Variants in GRID2 observed in about 807,000 individuals in gnomAD.
GRID2 encodes glutamate receptor ionotropic, delta-2.
In GRID2, 33 loss-of-function variants were observed where a neutral mutation model predicts 114.8. The ratio of observed to expected loss-of-function variants is 0.29; its 90% confidence interval spans 0.22 to 0.38. The LOEUF (loss-of-function observed/expected upper bound fraction) is 0.38. GRID2 is among the 10% of genes least tolerant of loss of function. The pLI, the probability that GRID2 is intolerant of heterozygous loss-of-function variation, is 1.00. For missense variants in GRID2, 1,184 were observed against 1,257.7 expected, an observed-to-expected ratio of 0.94 and a Z score of 0.89; for synonymous variants, 505 against 449.9, an observed-to-expected ratio of 1.12 and a Z score of -1.55.
chr4:93,185,506 G>A (rs1198754474), intron 4 of GRID2, among the ~76,000 whole-genome samples: 2 of 152,136 alleles, frequency 1.3e-5, no homozygotes, highest in African/African-American at 4.8e-5. Context: ...GGAAGCTGAT[G>A]TTGCTTTCCT....
intron 11 of GRID2, among the ~76,000 whole-genome samples, chr4:93,459,961 T>G (rs1723586969): frequency 6.6e-6 from 1 of 152,180 alleles, no homozygotes; most frequent in Non-Finnish European, 1.5e-5. Flanking sequence ...TACTAAATAT[T>G]TCTAGAAGTG....
chr4:93,362,248 C>G (rs1446082709), intron 8 of GRID2, among the ~76,000 whole-genome samples: 4 of 152,082 alleles, frequency 2.6e-5, no homozygotes, highest in Non-Finnish European at 5.9e-5. Flanking sequence ...TTGCTTCTCT[C>G]TCAATGGTAG....
intron 7 of GRID2, among the ~76,000 whole-genome samples, chr4:93,229,939 C>T (rs1469508241): frequency 1.3e-5 from 2 of 152,026 alleles, no homozygotes; most frequent in African/African-American, 4.8e-5. Context: ...CAAATATTAT[C>T]AGCAGCCCTG....
At chr4:92,970,795 G>A (rs1301952797) in intron 2 of GRID2, among the ~76,000 whole-genome samples, 3 of 151,800 alleles carry the variant, frequency 2.0e-5, no homozygotes, top group Admixed American at 6.6e-5. Flanking sequence ...AAAAGGAATC[G>A]TTGGTAATAT....
At chr4:92,359,104 C>G (rs187704355) in intron 1 of GRID2, among the ~76,000 whole-genome samples, 1 of 151,854 alleles carries the variant, frequency 6.6e-6, no homozygotes, top group African/African-American at 2.4e-5. Context: ...TTTGGTTGGC[C>G]TTAACTAACT....
At chr4:93,368,277 C>T (rs17020508) in intron 8 of GRID2, among the ~76,000 whole-genome samples, 3 of 151,944 alleles carry the variant, frequency 2.0e-5, no homozygotes, top group African/African-American at 7.3e-5. Context: ...AATCAGTAAC[C>T]TCTAGAAACT....
rs1358688139 is a variant in GRID2, at chr4:92,822,330, A to T, written c.244+232044A>T. 4.8e-6 allele frequency: 3 copies of T among 624,534 alleles called. No homozygotes were observed. In the African/African-American group the frequency reaches 5.5e-5, roughly 11 times the overall value. 38.7% of individuals were successfully genotyped at this position (624,534 alleles called of 1,614,324 possible). On this transcript the variant is annotated intron_variant, in intron 2 of 15. Coordinates refer to ENST00000282020, the MANE Select transcript of GRID2 (RefSeq NM_001510.4). Reference sequence around the variant, plus strand: ...GAAGCACAGAGGGATCCATCTGGAGAGACAGTCACAGTGTTCAGATGGACT... The same window carrying T: ...GAAGCACAGAGGGATCCATCTGGAGTGACAGTCACAGTGTTCAGATGGACT...
chr4:93,552,150 A>T (rs950991555), intron 13 of GRID2, among the ~76,000 whole-genome samples: 4 of 150,642 alleles, frequency 2.7e-5, no homozygotes, highest in Non-Finnish European at 5.9e-5. Context: ...TGTCCTTGTG[A>T]TAGTTTGCTG....
intron 1 of GRID2, among the ~76,000 whole-genome samples, chr4:92,400,058 G>C (rs528549296): frequency 1.3e-5 from 2 of 152,222 alleles, no homozygotes; most frequent in South Asian, 2.1e-4. Flanking sequence ...AAGTATTGCA[G>C]CTATAACCTG....
intron 12 of GRID2, among the ~76,000 whole-genome samples, chr4:93,495,042 T>A (rs550692478): frequency 9.2e-5 from 14 of 151,910 alleles, no homozygotes; most frequent in Non-Finnish European, 1.8e-4. Context: ...AGAATCAAAC[T>A]GGTCTTTGGT....
chr4:92,477,188 A>C (rs960593604), intron 1 of GRID2, among the ~76,000 whole-genome samples: 2 of 151,918 alleles, frequency 1.3e-5, no homozygotes, highest in African/African-American at 4.8e-5. Flanking sequence ...CAGGCACTTG[A>C]AAACTCTAGC....
At chr4:93,157,910 C>G (rs1477871975) in intron 4 of GRID2, among the ~76,000 whole-genome samples, 1 of 151,774 alleles carries the variant, frequency 6.6e-6, no homozygotes, top group East Asian at 1.9e-4. Flanking sequence ...TCAGATTTCA[C>G]TTACAAAACC....
chr4:93,694,838 C>A (rs768987009), intron 14 of GRID2, among the ~76,000 whole-genome samples: 2 of 152,130 alleles, frequency 1.3e-5, no homozygotes. Flanking sequence ...GAAATGCTCA[C>A]CCCGAAGATC....
intron 14 of GRID2, among the ~76,000 whole-genome samples, chr4:93,765,608 T>TTATATA (rs66550272): frequency 0.024 from 694 of 29,460 alleles, 3 homozygotes; most frequent in African/African-American, 0.073. Context: ...AGGTGAGGTA[T>TTATATA]TATATATATA....
At chr4:92,565,035 C>T (rs1727272163) in intron 1 of GRID2, among the ~76,000 whole-genome samples, 3 of 151,898 alleles carry the variant, frequency 2.0e-5, no homozygotes, top group South Asian at 2.1e-4. Context: ...TTAATTTTAA[C>T]CACAAATGTG....
chr4:92,519,568 T>C (rs1724667772), intron 1 of GRID2, among the ~76,000 whole-genome samples: 1 of 150,728 alleles, frequency 6.6e-6, no homozygotes, highest in Non-Finnish European at 1.5e-5. Flanking sequence ...CCATAACTAA[T>C]AGGATATGCA....
chr4:93,154,095 T>C (rs575263721), intron 4 of GRID2, among the ~76,000 whole-genome samples: 1 of 152,196 alleles, frequency 6.6e-6, no homozygotes, highest in South Asian at 2.1e-4. Context: ...TATTCCTTCA[T>C]TGTTACCAAC....
chr4:93,003,631 G>C (rs1374230265), intron 2 of GRID2, among the ~76,000 whole-genome samples: 2 of 151,842 alleles, frequency 1.3e-5, no homozygotes, highest in Admixed American at 1.3e-4. Flanking sequence ...AATTAGTCTG[G>C]CCATGTTAAT....
chr4:92,366,494 C>T (rs1189616210), intron 1 of GRID2, among the ~76,000 whole-genome samples: 1 of 152,028 alleles, frequency 6.6e-6, no homozygotes, highest in Non-Finnish European at 1.5e-5. Context: ...CCATATATTA[C>T]GTATGGCAGG....
Sources: allele counts gnomAD v4.1 joint callset (sites outside exome capture counted in the v4.1 genomes callset), GRCh38; gene constraint gnomAD v4.1.1; transcripts MANE v1.5; gene names NCBI Gene and HGNC (gene_info 2026-07-23, HGNC 2026-07-21).